The following PIK3C2G variants were observed in gnomAD, a reference collection of about 807,000 sequenced individuals.
PIK3C2G encodes the protein phosphatidylinositol 3-kinase C2 domain-containing subunit gamma.
PIK3C2G carries 168 observed loss-of-function variants against 181.1 expected under a neutral mutation model. That is an observed-to-expected ratio of 0.93 (90% CI 0.82 to 1.05). PIK3C2G has a LOEUF of 1.05. PIK3C2G is among the 50% of genes least tolerant of loss of function. The pLI, the probability that PIK3C2G is intolerant of heterozygous loss-of-function variation, is 0.00. For synonymous variants in PIK3C2G, 573 were observed against 592.2 expected, an observed-to-expected ratio of 0.97 and a Z score of 0.47; for missense variants, 1,869 against 1,732.8, an observed-to-expected ratio of 1.08 and a Z score of -1.40.
rs1328797813 is a variant in PIK3C2G, at chr12:18,381,755, G to T, written c.1881-11G>T. 5.4e-6 allele frequency: 8 copies of T among 1,488,422 alleles called. No individual in the cohort carries two copies. Among genetic ancestry groups the T allele is most frequent in the Admixed American group, 5.0e-5 (3 of 59,808 alleles). 92.2% of individuals were successfully genotyped at this position (1,488,422 alleles called of 1,614,324 possible). On this transcript the variant is annotated splice_polypyrimidine_tract_variant and intron_variant, in intron 13 of 32. Transcript: ENST00000538779. ...ACTCCTGTCTGTGTGTGTGTGTGTT[G>T]TCTTTTGCAGAAAATCCATTCTCGG... is the stretch of plus-strand genomic sequence containing the variant.
At position 18,420,951 on chromosome 12, in the gene PIK3C2G, C is replaced by G; in HGVS notation, c.2326C>G (p.Gln776Glu). ...TTTACTGTGTATTAGTTTTCCAGAT[C>G]AAGAAATTCGTAAAGTGGCAGTTCA... ...LGLLTSSFPD[Q>E]EIRKVAVQQL... The change falls in exon 17 of 33, where the codon CAA (glutamine) becomes GAA (glutamate). Residue 776 changes from glutamine (Q) to glutamate (E), a missense_variant. By Grantham distance (29) the Gln-to-Glu change is conservative (BLOSUM62 2). Transcript: ENST00000538779. 1 of 1,582,916 alleles carries G rather than the reference C, an allele frequency of 6.3e-7. No homozygotes were observed.
chr12:18,375,259 G>A (rs909455175), intron 13 of PIK3C2G, among the ~76,000 whole-genome samples: 16 of 152,228 alleles, frequency 1.1e-4, no homozygotes, highest in African/African-American at 3.6e-4. Flanking sequence ...CAAGGTCTCA[G>A]TTGGCAATAA....
intron 1 of PIK3C2G, among the ~76,000 whole-genome samples, chr12:18,250,194 T>C (rs1948082064): frequency 6.6e-6 from 1 of 152,080 alleles, no homozygotes. Context: ...ATACATTTTA[T>C]GTACTATATC....
At chr12:18,541,754 A>T (rs1020565179) in intron 25 of PIK3C2G, among the ~76,000 whole-genome samples, 1 of 151,788 alleles carries the variant, frequency 6.6e-6, no homozygotes, top group East Asian at 1.9e-4. Flanking sequence ...TAAAGTTATT[A>T]CCCATGCAGT....
At chr12:18,300,568 A>G (rs78286617) in intron 5 of PIK3C2G, among the ~76,000 whole-genome samples, 2 of 152,178 alleles carry the variant, frequency 1.3e-5, no homozygotes, top group East Asian at 3.9e-4. Flanking sequence ...AAATCCATTC[A>G]ACCAATCTGT....
At chr12:18,261,262 G>T (rs868635471), upstream of PIK3C2G, among the ~76,000 whole-genome samples, 1 of 152,024 alleles carries the variant, frequency 6.6e-6, no homozygotes, top group African/African-American at 2.4e-5. Context: ...ATATATTTTC[G>T]TTTGTATATT....
chr12:18,647,014 C>T (rs942789843), intron 32 of PIK3C2G, among the ~76,000 whole-genome samples: 10 of 151,944 alleles, frequency 6.6e-5, no homozygotes, highest in African/African-American at 2.4e-4. Context: ...ACAAAAAGAA[C>T]ATCAAAATGT....
chr12:18,469,711 GATATTAC>G (rs1243280359), intron 18 of PIK3C2G, among the ~76,000 whole-genome samples: 1 of 147,856 alleles, frequency 6.8e-6, no homozygotes, highest in African/African-American at 2.5e-5. Context: ...ATTATCTTTT[GATATTAC>G]ATTTTATTTT....
intron 29 of PIK3C2G, among the ~76,000 whole-genome samples, chr12:18,587,541 C>G (rs1946852251): frequency 6.6e-6 from 1 of 151,860 alleles, no homozygotes; most frequent in Admixed American, 6.6e-5. Context: ...AAACACTGCT[C>G]AAAGAAATCA....
At chr12:18,285,521 T>TAGCA (rs1417051913) in intron 2 of PIK3C2G, 1 of 152,032 alleles carries the variant, frequency 6.6e-6, no homozygotes, top group Non-Finnish European at 1.5e-5. Context: ...GTAGGATTTA[T>TAGCA]TGTGTATGTG....
chr12:18,584,802 G>A (rs1162481487), intron 29 of PIK3C2G, among the ~76,000 whole-genome samples: 4 of 151,792 alleles, frequency 2.6e-5, no homozygotes, highest in Non-Finnish European at 4.4e-5. Flanking sequence ...AGAAAGGGAA[G>A]GTCACCTACA....
intron 1 of PIK3C2G, among the ~76,000 whole-genome samples, chr12:18,263,987 T>C (rs958685351): frequency 2.6e-5 from 4 of 152,150 alleles, no homozygotes; most frequent in African/African-American, 4.8e-5. Context: ...CTCCAGCTGA[T>C]TGAAATCAGT....
intron 18 of PIK3C2G, among the ~76,000 whole-genome samples, chr12:18,457,565 C>G (rs12230457): frequency 0.14 from 20,580 of 152,070 alleles, 1,522 homozygotes; most frequent in African/African-American, 0.19. Context: ...TTCCCTTGGG[C>G]TTTGTGTTGC....
intron 18 of PIK3C2G, among the ~76,000 whole-genome samples, chr12:18,427,753 G>C (rs945711808): frequency 1.3e-5 from 2 of 151,718 alleles, no homozygotes. Flanking sequence ...TGGAAGGGAA[G>C]CTTTTTTGTG....
chr12:18,349,797 C>A (rs560338503), intron 11 of PIK3C2G, among the ~76,000 whole-genome samples: 1 of 152,026 alleles, frequency 6.6e-6, no homozygotes, highest in Non-Finnish European at 1.5e-5. Context: ...TTACAATGTC[C>A]GTGTGACCAT....
chr12:18,310,036 A>T (rs542941001), intron 5 of PIK3C2G, among the ~76,000 whole-genome samples: 243 of 151,974 alleles, frequency 1.6e-3, no homozygotes, highest in Admixed American at 2.6e-3. Flanking sequence ...CAGTGTTTCT[A>T]TGAAAATGAA....
chr12:18,326,683 T>TTTAAGTCTCATAAAAGTG (rs1951360446), intron 8 of PIK3C2G, among the ~76,000 whole-genome samples: 1 of 152,142 alleles, frequency 6.6e-6, no homozygotes, highest in Non-Finnish European at 1.5e-5. Context: ...ATTAGCTTGT[T>TTTAAGTCTCATAAAAGTG]TTAAGTCTCA....
chr12:18,598,693 C>T (rs1947519775), intron 30 of PIK3C2G, among the ~76,000 whole-genome samples: 1 of 145,654 alleles, frequency 6.9e-6, no homozygotes, highest in Admixed American at 6.9e-5. Context: ...AAAGAAACTA[C>T]CATCAGAGTG....
At chr12:18,467,685 A>G (rs1938038883) in intron 18 of PIK3C2G, among the ~76,000 whole-genome samples, 1 of 151,914 alleles carries the variant, frequency 6.6e-6, no homozygotes, top group Non-Finnish European at 1.5e-5. Flanking sequence ...GGAAGGGGTA[A>G]GAGAAGAGAG....
Sources: allele counts gnomAD v4.1 joint callset (sites outside exome capture counted in the v4.1 genomes callset), GRCh38; gene constraint gnomAD v4.1.1; transcripts MANE v1.5; gene names NCBI Gene and HGNC (gene_info 2026-07-23, HGNC 2026-07-21).